The following HDAC9 variants were observed in gnomAD, a reference collection of about 807,000 sequenced individuals.
The protein encoded by HDAC9 is histone deacetylase 9.
A neutral mutation model predicts 139.4 loss-of-function variants in HDAC9; 41 were observed. The ratio of observed to expected loss-of-function variants is 0.29; its 90% CI spans 0.23 to 0.38. The LOEUF is 0.38. Among genes scored for constraint, HDAC9 ranks in the 10% least tolerant of loss-of-function variants. The pLI is 1.00. For synonymous variants in HDAC9, 517 were observed against 476.2 expected (o/e 1.09, Z -1.12); for missense variants, 1,147 against 1,297.0 (o/e 0.88, Z 1.78).
chr7:18,249,782 A>G (rs1174063354), intron 2 of HDAC9, among the ~76,000 whole-genome samples: 1 of 152,124 alleles, frequency 6.6e-6, no homozygotes, highest in Non-Finnish European at 1.5e-5. Context: ...TACCTTATGA[A>G]TTATAATATT....
At chr7:18,166,895 A>G (rs1459290408) in intron 2 of HDAC9, among the ~76,000 whole-genome samples, 3 of 152,220 alleles carry the variant, frequency 2.0e-5, no homozygotes, top group Non-Finnish European at 2.9e-5. Flanking sequence ...TACCAAAAAA[A>G]TGAATGTTAA....
chr7:18,243,952 G>A (rs184948848), intron 2 of HDAC9, among the ~76,000 whole-genome samples: 1 of 152,260 alleles, frequency 6.6e-6, no homozygotes, highest in Non-Finnish European at 1.5e-5. Flanking sequence ...GTACTGTTGT[G>A]CTGTTTTGTG....
chr7:18,881,659 A>T (rs2129256114), intron 22 of HDAC9, among the ~76,000 whole-genome samples: 1 of 152,232 alleles, frequency 6.6e-6, no homozygotes, highest in African/African-American at 2.4e-5. Context: ...ATATTTACTT[A>T]AATGCTTCAC....
chr7:18,331,793 A>G (rs535546813), intron 1 of HDAC9, among the ~76,000 whole-genome samples: 10 of 151,692 alleles, frequency 6.6e-5, no homozygotes, highest in African/African-American at 2.4e-4. Context: ...TTTAAATGCT[A>G]TATTCTATAT....
intron 1 of HDAC9, among the ~76,000 whole-genome samples, chr7:18,396,126 T>TCCCTTCCCTTCCCTTCCCTG (rs1562949704): frequency 8.4e-6 from 1 of 119,144 alleles, no homozygotes. Context: ...TCCCTTCCCT[T>TCCCTTCCCTTCCCTTCCCTG]CCCTTGCCTT....
intron 1 of HDAC9, among the ~76,000 whole-genome samples, chr7:18,429,579 G>GTGTA (rs1309999195): frequency 4.4e-4 from 67 of 152,172 alleles, no homozygotes; most frequent in African/African-American, 1.5e-3. Context: ...GTGTGTGTGT[G>GTGTA]TGTATGTATT....
At chr7:18,146,657 T>C (rs1212094948) in intron 1 of HDAC9, among the ~76,000 whole-genome samples, 1 of 152,234 alleles carries the variant, frequency 6.6e-6, no homozygotes, top group Non-Finnish European at 1.5e-5. Flanking sequence ...GTCATATATT[T>C]AAGTTACACA....
At chr7:18,775,579 A>G (rs769997426) in intron 16 of HDAC9, among the ~76,000 whole-genome samples, 5 of 151,970 alleles carry the variant, frequency 3.3e-5, no homozygotes, top group South Asian at 2.1e-4. Flanking sequence ...TCTAAAGACA[A>G]TTTACCATCC....
rs1794342934 is a variant in HDAC9, at chr7:18,813,519, G to A, written c.2323-15642G>A. 3.3e-5 allele frequency among the ~76,000 whole-genome samples: 5 copies of A among 152,136 alleles called. No individual in the cohort carries two copies. In the South Asian group the frequency reaches 1.0e-3, roughly 31 times the overall value. On this transcript the variant is annotated intron_variant, in intron 17 of 25. Coordinates refer to ENST00000686413, the MANE Select transcript of HDAC9 (RefSeq NM_178425.4). The stretch of plus-strand genomic sequence containing the variant: ...AGGACAAAGTCAAGTGATGACAACA[G>A]GGGCACATTTATTTATTTATCTATT...
chr7:18,845,527 C>T (rs920031275), intron 21 of HDAC9, among the ~76,000 whole-genome samples: 2 of 152,104 alleles, frequency 1.3e-5, no homozygotes, highest in African/African-American at 4.8e-5. Context: ...GAGGTTGCCT[C>T]CTGGTGCTTT....
chr7:18,742,666 C>G (rs1254401564), intron 13 of HDAC9, among the ~76,000 whole-genome samples: 1 of 150,092 alleles, frequency 6.7e-6, no homozygotes, highest in African/African-American at 2.5e-5. Flanking sequence ...TTTTTTTTTT[C>G]TGACCACTGT....
At chr7:18,777,832 A>C (rs1585020075) in intron 16 of HDAC9, among the ~76,000 whole-genome samples, 1 of 151,974 alleles carries the variant, frequency 6.6e-6, no homozygotes, top group Non-Finnish European at 1.5e-5. Flanking sequence ...CCTGCAAAAC[A>C]TACCCTCCTG....
rs1047280687 is a variant in HDAC9, at chr7:18,147,646, A to G, written c.-96-14583A>G. Among the ~76,000 whole-genome samples the G allele has an allele frequency of 2.0e-5, 3 of 150,370 alleles. No homozygotes were observed. In the East Asian group the frequency reaches 5.8e-4, roughly 29 times the overall value. On this transcript the variant is annotated intron_variant, in intron 1 of 12. Coordinates refer to the HDAC9 transcript ENST00000417496. ...TTACCTCAGGACTCATTTTTTTTTTAAGCAATAAGGCATTTAAAATATAGT... is the reference window on the plus strand; with the variant it reads ...TTACCTCAGGACTCATTTTTTTTTTGAGCAATAAGGCATTTAAAATATAGT...
At chr7:18,517,199 G>A (rs918129052) in intron 2 of HDAC9, among the ~76,000 whole-genome samples, 7 of 152,256 alleles carry the variant, frequency 4.6e-5, no homozygotes, top group East Asian at 1.9e-4. Context: ...AGTGCAGGGC[G>A]TCATGTGCTT....
At chr7:18,750,837 G>A (rs1266182567) in intron 14 of HDAC9, among the ~76,000 whole-genome samples, 1 of 152,138 alleles carries the variant, frequency 6.6e-6, no homozygotes, top group African/African-American at 2.4e-5. Flanking sequence ...CATCTGCTCT[G>A]CAATTTTTGT....
At chr7:18,117,596 G>A (rs1489780671) in intron 1 of HDAC9, among the ~76,000 whole-genome samples, 1 of 152,004 alleles carries the variant, frequency 6.6e-6, no homozygotes, top group Non-Finnish European at 1.5e-5. Flanking sequence ...GGATGATGCA[G>A]CATTGAATTG....
rs36203178 is a variant in HDAC9 at position 18,568,026 on chromosome 7, G to GTATATATATATATATATA, written c.23-17245_23-17228dup. Reference sequence around the variant, plus strand: ...TTATACATACAGGATATATGTATATGTATATATATATATATATATATATAT... The same window carrying GTATATATATATATATATA: ...TTATACATACAGGATATATGTATATGTATATATATATATATATATATATATATATATATATATATATAT... On this transcript the variant is annotated intron_variant, in intron 2 of 25. Coordinates refer to ENST00000686413, the MANE Select transcript of HDAC9 (RefSeq NM_178425.4). Among the ~76,000 whole-genome samples, 490 of 126,722 alleles carry GTATATATATATATATATA rather than the reference G, an allele frequency of 3.9e-3. 4 individuals carry two copies. The highest frequency in any genetic ancestry group is 9.9e-3 in the African/African-American group (322 of 32,668). The allele number at this position is 126,722 out of a possible 152,430, so 83.1% of individuals were successfully genotyped here. A position where few individuals can be genotyped will look rare whatever the true frequency, so the allele number is the denominator to read the frequency against.
chr7:18,647,627 A>T (rs1787851974), intron 9 of HDAC9, among the ~76,000 whole-genome samples, 158 bp from the exon 10 acceptor site: 1 of 151,972 alleles, frequency 6.6e-6, no homozygotes, highest in Non-Finnish European at 1.5e-5. Flanking sequence ...TTTTGAACTG[A>T]GTTAGTTTAA....
chr7:18,214,107 A>G (rs576708293), intron 2 of HDAC9, among the ~76,000 whole-genome samples: 1 of 152,158 alleles, frequency 6.6e-6, no homozygotes, highest in South Asian at 2.1e-4. Context: ...TCACTACAAC[A>G]TAGTATTATA....
Sources: gnomAD v4.1 joint callset for allele counts (sites outside exome capture counted in the v4.1 genomes callset) on GRCh38, gnomAD v4.1.1 for gene constraint, MANE v1.5 for transcripts, NCBI Gene and HGNC (gene_info 2026-07-23, HGNC 2026-07-21) for gene names.